Variants in NRG2 observed in about 807,000 individuals in gnomAD.
The protein encoded by NRG2 is pro-neuregulin-2, membrane-bound isoform.
In NRG2, 27 loss-of-function variants were observed where a neutral mutation model predicts 73.9. The observed-to-expected ratio is 0.37, with a 90% CI of 0.27 to 0.50. The LOEUF (loss-of-function observed/expected upper bound fraction) is 0.50, where lower values mean the gene tolerates loss of function less well. Among genes scored for constraint, NRG2 ranks in the 20% least tolerant of loss-of-function variants. The probability of loss-of-function intolerance (pLI) is 0.96; values close to 1 mark genes in which losing one functional copy is unlikely to be tolerated. For synonymous variants in NRG2, 532 were observed against 541.0 expected, an observed-to-expected ratio of 0.98 and a Z score of 0.23; for missense variants, 1,126 against 1,210.1, an observed-to-expected ratio of 0.93 and a Z score of 1.03.
At chr5:140,018,301 G>A (rs557379419) in intron 1 of NRG2, among the ~76,000 whole-genome samples, 1 of 152,278 alleles carries the variant, frequency 6.6e-6, no homozygotes, top group South Asian at 2.1e-4. Context: ...GTCAAATGTG[G>A]GGACGTGATT....
chr5:139,892,235 G>C (rs932666577), intron 1 of NRG2, among the ~76,000 whole-genome samples: 1 of 152,128 alleles, frequency 6.6e-6, no homozygotes, highest in Non-Finnish European at 1.5e-5. Context: ...CGCACTCCTG[G>C]GCCTAGAGCC....
chr5:139,944,470 C>G (rs904680888), intron 1 of NRG2, among the ~76,000 whole-genome samples: 1 of 151,936 alleles, frequency 6.6e-6, no homozygotes, highest in Non-Finnish European at 1.5e-5. Context: ...TTGAGATCAA[C>G]TTTTTTTTAG....
intron 1 of NRG2, among the ~76,000 whole-genome samples, chr5:139,892,912 G>A (rs577629498): frequency 1.3e-5 from 2 of 152,282 alleles, no homozygotes; most frequent in Non-Finnish European, 2.9e-5. Flanking sequence ...TGCCTGCTAT[G>A]AGCCAGGTTC....
At chr5:139,919,769 A>G (rs1751526231) in intron 1 of NRG2, among the ~76,000 whole-genome samples, 1 of 152,248 alleles carries the variant, frequency 6.6e-6, no homozygotes, top group Non-Finnish European at 1.5e-5. Context: ...ACACCATGCA[A>G]CACTAAGCAA....
chr5:139,876,854 AC>A (rs1251286754), intron 3 of NRG2, among the ~76,000 whole-genome samples: 2 of 151,742 alleles, frequency 1.3e-5, no homozygotes, highest in African/African-American at 4.9e-5. Flanking sequence ...CAAGACTGCG[AC>A]TTCCCAGAGC....
At chr5:139,985,357 G>T (rs1757098485) in intron 1 of NRG2, among the ~76,000 whole-genome samples, 1 of 150,120 alleles carries the variant, frequency 6.7e-6, no homozygotes, top group African/African-American at 2.5e-5. Flanking sequence ...AAAAAAAAAA[G>T]TATTTCATTT....
At chr5:139,966,950 G>C (rs1755566724) in intron 1 of NRG2, among the ~76,000 whole-genome samples, 1 of 152,162 alleles carries the variant, frequency 6.6e-6, no homozygotes, top group Non-Finnish European at 1.5e-5. Context: ...AAAAGGCCTG[G>C]GAGGAAACAG....
At chr5:140,016,114 G>A (rs760186566) in intron 1 of NRG2, among the ~76,000 whole-genome samples, 8 of 152,178 alleles carry the variant, frequency 5.3e-5, no homozygotes, top group Non-Finnish European at 1.2e-4. Flanking sequence ...TAGGGAGGAA[G>A]CAACAGGCCT....
At chr5:140,017,429 ATT>A (rs1190672955) in intron 1 of NRG2, among the ~76,000 whole-genome samples, 1 of 152,178 alleles carries the variant, frequency 6.6e-6, no homozygotes, top group Non-Finnish European at 1.5e-5. Flanking sequence ...TGGAGACCAT[ATT>A]TTAAAATTCT....
At position 139,939,256 on chromosome 5, in the gene NRG2, CTTTCTTTT is replaced by C. The variant is rs746321941; in HGVS notation, c.701-51753_701-51746del. On this transcript the variant is annotated intron_variant, in intron 1 of 9. Coordinates refer to ENST00000361474, the MANE Select transcript of NRG2 (RefSeq NM_004883.3). Reference sequence around the variant, plus strand: ...CCTTCCTTCCTTCCTTTCTTTCTTTCTTTCTTTTTCTTTCTTTCTTTCTTTCCTTTCTT... The same window carrying C: ...CCTTCCTTCCTTCCTTTCTTTCTTTCTCTTTCTTTCTTTCTTTCCTTTCTT... Among the ~76,000 whole-genome samples the C allele has an allele frequency of 5.5e-3, 807 of 147,572 alleles. 5 individuals carry two copies. Among genetic ancestry groups the C allele is most frequent in the Admixed American group, 8.5e-3 (126 of 14,894 alleles).
chr5:139,986,654 G>A (rs1757193492), intron 1 of NRG2, among the ~76,000 whole-genome samples: 1 of 152,154 alleles, frequency 6.6e-6, no homozygotes, highest in South Asian at 2.1e-4. Context: ...GTGATGTTCT[G>A]TAAAACATTC....
In NRG2 at chr5:139,889,821, C is replaced by T. The variant is rs763085673; in HGVS notation, c.701-2310G>A. On this transcript the variant is annotated intron_variant, in intron 1 of 9. Transcript: ENST00000361474. ...TCCAAGAATTAACTTCATTCGTTTG[C>T]GCCTCAACTTCCACAGCTGTAAAAT... Among the ~76,000 whole-genome samples, 20 of 152,226 alleles carry T rather than the reference C, an allele frequency of 1.3e-4. No homozygotes were observed. In the Middle Eastern group the frequency reaches 0.01, roughly 78 times the overall value.
chr5:139,863,767 T>C (rs1196459517), intron 5 of NRG2, among the ~76,000 whole-genome samples: 1 of 152,242 alleles, frequency 6.6e-6, no homozygotes, highest in Non-Finnish European at 1.5e-5. Context: ...GAGAATTCTG[T>C]TGGGCCACAT....
chr5:139,871,816 CGACCAGGAT>C lies in NRG2; in HGVS notation c.1008_1016del (p.Ser337_Ser339del), dbSNP rs1561642849. 8.1e-6 allele frequency: 13 copies of C among 1,614,076 alleles called. No homozygotes were observed. Among genetic ancestry groups the C allele is most frequent in the Non-Finnish European group, 1.1e-5 (13 of 1,179,984 alleles). Reference sequence around the variant, plus strand: ...TCTCGTTGCACTTCCGGGCGTGCCCCGACCAGGATGACAGGGTGGTGCTCACTGAGGGTA... The same window carrying C: ...TCTCGTTGCACTTCCGGGCGTGCCCCGACAGGGTGGTGCTCACTGAGGGTA... On this transcript the variant is annotated inframe_deletion, in exon 4 of 10. Transcript: ENST00000361474.
chr5:140,023,971 C>A (rs1169704070), intron 1 of NRG2, among the ~76,000 whole-genome samples: 1 of 152,050 alleles, frequency 6.6e-6, no homozygotes, highest in Admixed American at 6.6e-5. Flanking sequence ...GCTGACCCTA[C>A]CAAAAACAGG....
chr5:139,937,014 C>T (rs1336185957), intron 1 of NRG2, among the ~76,000 whole-genome samples: 3 of 152,290 alleles, frequency 2.0e-5, no homozygotes, highest in East Asian at 3.9e-4. Context: ...GTTGGCCAGG[C>T]TGGTCTCGAA....
rs765205561 is a variant in NRG2, at chr5:139,847,146, C to G, written c.*771G>C. 6.6e-6 allele frequency: 1 copy of G among 152,210 alleles called. No individual in the cohort carries two copies. The highest frequency in any genetic ancestry group is 2.4e-5 in the African/African-American group (1 of 41,426). The allele number at this position is 152,210 out of a possible 1,614,324, so 9.4% of individuals were successfully genotyped here. A position where few individuals can be genotyped will look rare whatever the true frequency, so the allele number is the denominator to read the frequency against. On this transcript the variant is annotated 3_prime_UTR_variant, in exon 10 of 10. Coordinates refer to ENST00000361474, the MANE Select transcript of NRG2 (RefSeq NM_004883.3). ...ACATGCAGGTGTAAAATAGAAAAGA[C>G]GACCTGTAAACGAAGGTGCTGCAGA...
At chr5:139,924,774 G>A (rs180882176) in intron 1 of NRG2, among the ~76,000 whole-genome samples, 8 of 152,196 alleles carry the variant, frequency 5.3e-5, no homozygotes, top group Non-Finnish European at 7.3e-5. Context: ...CTTGGCACAG[G>A]CTCCCTCAGC....
intron 1 of NRG2, among the ~76,000 whole-genome samples, chr5:139,976,956 G>C (rs1194173501): frequency 6.6e-6 from 1 of 152,158 alleles, no homozygotes; most frequent in Non-Finnish European, 1.5e-5. Flanking sequence ...ATCTCTTTGT[G>C]TCTTACTTTC....
Sources: gnomAD v4.1 joint callset for allele counts (sites outside exome capture counted in the v4.1 genomes callset) on GRCh38, gnomAD v4.1.1 for gene constraint, MANE v1.5 for transcripts, NCBI Gene and HGNC (gene_info 2026-07-23, HGNC 2026-07-21) for gene names.